Variants in KIAA1217 observed in about 807,000 individuals in gnomAD.
KIAA1217 encodes the protein sickle tail protein homolog.
In KIAA1217, 88 loss-of-function variants were observed where a neutral mutation model predicts 163.9. The ratio of observed to expected loss-of-function variants is 0.54; its 90% confidence interval spans 0.45 to 0.64. The LOEUF (loss-of-function observed/expected upper bound fraction) is 0.64. KIAA1217 is among the 30% of genes least tolerant of loss of function. The probability of loss-of-function intolerance (pLI) is 0.00; values close to 1 mark genes in which losing one functional copy is unlikely to be tolerated. For missense variants in KIAA1217, 2,372 were observed against 2,475.0 expected (o/e 0.96, Z 0.88); for synonymous variants, 903 against 923.1 (o/e 0.98, Z 0.39).
chr10:24,283,973 G>A (rs1311382226), intron 2 of KIAA1217, among the ~76,000 whole-genome samples: 1 of 151,208 alleles, frequency 6.6e-6, no homozygotes, highest in African/African-American at 2.4e-5. Flanking sequence ...GCATTGGTGC[G>A]ATCTCAGCTC....
chr10:23,994,786 A>C (rs1178636498), intron 1 of KIAA1217, among the ~76,000 whole-genome samples: 1 of 152,182 alleles, frequency 6.6e-6, no homozygotes, highest in African/African-American at 2.4e-5. Flanking sequence ...AAACTTTAAA[A>C]CTGTAGAAAC....
intron 5 of KIAA1217, among the ~76,000 whole-genome samples, chr10:24,466,275 G>A (rs749569963): frequency 2.6e-5 from 4 of 152,034 alleles, no homozygotes; most frequent in Non-Finnish European, 4.4e-5. Flanking sequence ...TTCATTTCTC[G>A]GTGGCTGGTT....
chr10:23,824,814 A>G (rs1837823508), intron 1 of KIAA1217, among the ~76,000 whole-genome samples: 2 of 151,522 alleles, frequency 1.3e-5, no homozygotes, highest in African/African-American at 4.8e-5. Context: ...TATTGGGGTA[A>G]CATATTCTCT....
intron 1 of KIAA1217, among the ~76,000 whole-genome samples, chr10:23,718,236 A>C (rs1837680677): frequency 6.6e-6 from 1 of 152,230 alleles, no homozygotes; most frequent in Admixed American, 6.6e-5. Flanking sequence ...GTGGGGCCAC[A>C]GTAGTTAAAA....
In KIAA1217 at chr10:24,547,146, TG is replaced by T; in HGVS notation, c.*824del. The T allele has an allele frequency of 2.0e-5, 3 of 151,354 alleles. No individual in the cohort carries two copies. In the South Asian group the frequency reaches 6.3e-4, roughly 32 times the overall value. The allele number at this position is 151,354 out of a possible 1,614,324, so 9.4% of individuals were successfully genotyped here. On this transcript the variant is annotated 3_prime_UTR_variant, in exon 21 of 21. Coordinates refer to ENST00000376454, the MANE Select transcript of KIAA1217 (RefSeq NM_019590.5). The stretch of plus-strand genomic sequence containing the variant: ...ACCCCTTCTTTTGTTTTCTGAGACC[TG>T]GTAACCCACGCTCTTGCATTGTGGA...
chr10:23,827,988 C>G (rs1837982780), intron 1 of KIAA1217, among the ~76,000 whole-genome samples: 1 of 152,202 alleles, frequency 6.6e-6, no homozygotes, highest in Non-Finnish European at 1.5e-5. Flanking sequence ...GTCACAGAGA[C>G]ACAGTGAATA....
At chr10:23,969,305 G>C (rs1213802786) in intron 1 of KIAA1217, among the ~76,000 whole-genome samples, 1 of 152,218 alleles carries the variant, frequency 6.6e-6, no homozygotes, top group Admixed American at 6.5e-5. Flanking sequence ...CAAGTGCTGG[G>C]ATTATAGGCA....
chr10:23,741,823 C>G (rs2130811906), intron 1 of KIAA1217, among the ~76,000 whole-genome samples: 1 of 152,262 alleles, frequency 6.6e-6, no homozygotes, highest in South Asian at 2.1e-4. Context: ...GGATAGAGCT[C>G]TGTTGTGGAT....
At chr10:23,842,125 C>T (rs1253325820) in intron 1 of KIAA1217, among the ~76,000 whole-genome samples, 1 of 152,124 alleles carries the variant, frequency 6.6e-6, no homozygotes. Context: ...GCCTTGGCAT[C>T]CCAAAGTGCT....
intron 1 of KIAA1217, among the ~76,000 whole-genome samples, chr10:23,849,438 A>G (rs1839198058): frequency 1.3e-5 from 2 of 152,152 alleles, no homozygotes; most frequent in Non-Finnish European, 2.9e-5. Flanking sequence ...AGGGGACGTG[A>G]GGCAGTGGCT....
intron 1 of KIAA1217, among the ~76,000 whole-genome samples, chr10:23,844,847 A>G (rs1453911707): frequency 1.3e-5 from 2 of 151,946 alleles, no homozygotes; most frequent in Non-Finnish European, 2.9e-5. Flanking sequence ...CCATCAACCC[A>G]TCATTTACAT....
intron 13 of KIAA1217, 138 bp from the exon 14 acceptor site, chr10:24,527,798 G>C (rs1198292404): frequency 1.2e-5 from 7 of 588,452 alleles, no homozygotes; most frequent in Non-Finnish European, 2.1e-5. Context: ...TCATCACCCA[G>C]GTCTTAAGCC....
intron 2 of KIAA1217, among the ~76,000 whole-genome samples, chr10:24,380,081 C>T (rs1328208632): frequency 6.6e-6 from 1 of 151,884 alleles, no homozygotes; most frequent in African/African-American, 2.4e-5. Context: ...TAAAAATCTC[C>T]CTTGCAATGT....
At chr10:24,124,876 T>C (rs1434918604) in intron 2 of KIAA1217, among the ~76,000 whole-genome samples, 1 of 152,220 alleles carries the variant, frequency 6.6e-6, no homozygotes, top group Non-Finnish European at 1.5e-5. Flanking sequence ...CATTTTATAT[T>C]AACTTTATTC....
At chr10:23,810,192 G>C (rs1187711780) in intron 1 of KIAA1217, among the ~76,000 whole-genome samples, 1 of 151,018 alleles carries the variant, frequency 6.6e-6, no homozygotes, top group African/African-American at 2.4e-5. Flanking sequence ...ATTGTAAGTC[G>C]AGCATTTATC....
At chr10:24,225,014 G>C (rs1171991583) in intron 2 of KIAA1217, among the ~76,000 whole-genome samples, 2 of 151,954 alleles carry the variant, frequency 1.3e-5, no homozygotes, top group African/African-American at 4.8e-5. Context: ...TTTTAGTAGA[G>C]ACGGGGTTCA....
chr10:23,764,628 G>A (rs184077235), intron 1 of KIAA1217, among the ~76,000 whole-genome samples: 1 of 152,266 alleles, frequency 6.6e-6, no homozygotes, highest in Admixed American at 6.5e-5. Flanking sequence ...AAAAGAATGA[G>A]ATCATGTCCT....
At chr10:24,364,933 G>T (rs1755562475) in intron 2 of KIAA1217, among the ~76,000 whole-genome samples, 4 of 152,112 alleles carry the variant, frequency 2.6e-5, no homozygotes, top group East Asian at 1.9e-4. Flanking sequence ...TCGGTAGCTA[G>T]GACTACAGGC....
chr10:24,277,034 T>C (rs1269108777), intron 2 of KIAA1217, among the ~76,000 whole-genome samples: 1 of 152,228 alleles, frequency 6.6e-6, no homozygotes, highest in East Asian at 1.9e-4. Flanking sequence ...TCTATGATTA[T>C]AGATGTGAGC....
Sources: allele counts gnomAD v4.1 joint callset (sites outside exome capture counted in the v4.1 genomes callset), GRCh38; gene constraint gnomAD v4.1.1; transcripts MANE v1.5; gene names NCBI Gene and HGNC (gene_info 2026-07-23, HGNC 2026-07-21).